The following IFT88 variants were observed in gnomAD, a reference collection of about 807,000 sequenced individuals.
The protein encoded by IFT88 is intraflagellar transport protein 88 homolog.
Under a neutral mutation model 119.5 loss-of-function variants are expected in IFT88, and 74 were observed. The observed-to-expected ratio is 0.62, with a 90% confidence interval of 0.51 to 0.75. IFT88 has a LOEUF of 0.75. Ranked by LOEUF, IFT88 falls within the 30% of genes least tolerant of loss-of-function variation. The probability of loss-of-function intolerance (pLI) is 0.00; values close to 1 mark genes in which losing one functional copy is unlikely to be tolerated. For synonymous variants in IFT88, 279 were observed against 316.7 expected (o/e 0.88, Z 1.26); for missense variants, 961 against 977.7 (o/e 0.98, Z 0.23).
At chr13:20,685,252 G>GT (rs1477293284) in intron 24 of IFT88, among the ~76,000 whole-genome samples, 1 of 152,142 alleles carries the variant, frequency 6.6e-6, no homozygotes, top group East Asian at 1.9e-4. Flanking sequence ...GCTCCCGGGG[G>GT]TGGGGGGGCC....
intron 1 of IFT88, among the ~76,000 whole-genome samples, chr13:20,570,644 A>G (rs2036156506): frequency 6.7e-6 from 1 of 149,220 alleles, no homozygotes; most frequent in Admixed American, 6.8e-5. Context: ...TTAATATGAA[A>G]TGTCCAGAAT....
rs530850711 is a variant in IFT88, at chr13:20,618,478, C to T, written c.1199+2599C>T. Among the ~76,000 whole-genome samples the T allele has an allele frequency of 4.6e-5, 7 of 152,232 alleles. No homozygotes were observed. The South Asian group carries it at 1.2e-3, about 27-fold the overall frequency. On this transcript the variant is annotated intron_variant, in intron 14 of 25. Transcript: ENST00000351808. Reference sequence around the variant, plus strand: ...TTAAATAGTCCCAACACACAGGCTGCGTGGTAGACTAGTTGAATCAGAATT... The same window carrying T: ...TTAAATAGTCCCAACACACAGGCTGTGTGGTAGACTAGTTGAATCAGAATT...
At chr13:20,618,950 G>A (rs1018247616) in intron 14 of IFT88, among the ~76,000 whole-genome samples, 4 of 150,100 alleles carry the variant, frequency 2.7e-5, no homozygotes, top group Admixed American at 6.7e-5. Context: ...TCCACCTCCT[G>A]AGTCCACGCT....
chr13:20,626,520 C>G (rs979921563), intron 15 of IFT88, among the ~76,000 whole-genome samples: 6 of 152,162 alleles, frequency 3.9e-5, no homozygotes, highest in Non-Finnish European at 7.3e-5. Context: ...CATGGGAAGC[C>G]AGGAGTCTGC....
At chr13:20,601,255 A>G (rs2139112584) in intron 11 of IFT88, among the ~76,000 whole-genome samples, 1 of 152,224 alleles carries the variant, frequency 6.6e-6, no homozygotes, top group South Asian at 2.1e-4. Flanking sequence ...AATCCCAGCT[A>G]TTCAGGAGGC....
At chr13:20,585,380 G>A (rs2039481613) in intron 3 of IFT88, among the ~76,000 whole-genome samples, 1 of 152,216 alleles carries the variant, frequency 6.6e-6, no homozygotes, top group Non-Finnish European at 1.5e-5. Context: ...GATGCATAGA[G>A]CAGGGCCTAG....
In IFT88 at chr13:20,574,393, A is replaced by C; in HGVS notation, c.8A>C (p.Gln3Pro). 1 of 1,609,190 alleles carries C rather than the reference A, an allele frequency of 6.2e-7. No homozygotes were observed. The change falls in exon 2 of 26, where the codon CAA becomes CCA. Residue 3 changes from glutamine to proline, a missense_variant. Physicochemically the swap from Gln to Pro is moderately conservative, Grantham distance 76 (BLOSUM62 -1). Transcript: ENST00000351808. The stretch of plus-strand genomic sequence containing the variant: ...AGTTTTTCCTAGGTACAAATGATGC[A>C]AAATGTGCACCTGGCTCCAGAGACA... MMQNVHLAPETDE... is the reference protein window; with the variant it reads MMPNVHLAPETDE...
At chr13:20,618,310 A>G (rs1018187014) in intron 14 of IFT88, among the ~76,000 whole-genome samples, 1 of 152,220 alleles carries the variant, frequency 6.6e-6, no homozygotes, top group African/African-American at 2.4e-5. Context: ...GGCTCCCCAC[A>G]TCTTTCTCTG....
chr13:20,676,054 A>C (rs1291300598), intron 24 of IFT88, among the ~76,000 whole-genome samples: 1 of 152,174 alleles, frequency 6.6e-6, no homozygotes, highest in Non-Finnish European at 1.5e-5. Context: ...CTTCTCTTAA[A>C]ACCACCTTAG....
At chr13:20,682,766 T>C (rs887376842) in intron 24 of IFT88, among the ~76,000 whole-genome samples, 1 of 152,240 alleles carries the variant, frequency 6.6e-6, no homozygotes, top group African/African-American at 2.4e-5. Context: ...TTTTTACAAG[T>C]AGGTTCAATT....
chr13:20,621,269 A>G (rs773129583), intron 14 of IFT88, among the ~76,000 whole-genome samples: 1 of 152,074 alleles, frequency 6.6e-6, no homozygotes, highest in Non-Finnish European at 1.5e-5. Context: ...ATTTAGCCAT[A>G]CTGGCCAGCC....
At chr13:20,638,199 C>T (rs986407195) in intron 16 of IFT88, 133 bp from the exon 17 acceptor site, 6 of 489,726 alleles carry the variant, frequency 1.2e-5, no homozygotes, top group Non-Finnish European at 2.0e-5. Context: ...ACTATCAAGA[C>T]CAAGATATGT....
At chr13:20,599,398 C>A in intron 10 of IFT88, 53 bp from the exon 11 acceptor site, 1 of 635,730 alleles carries the variant, frequency 1.6e-6, no homozygotes, top group South Asian at 2.2e-5. Flanking sequence ...TCTAAAATAT[C>A]AAAGAGTGGA....
At position 20,580,352 on chromosome 13, in the gene IFT88, T is replaced by C. The variant is rs561770361; in HGVS notation, c.91-2605T>C. Among the ~76,000 whole-genome samples the C allele has an allele frequency of 3.3e-5, 5 of 152,230 alleles. No homozygotes were observed. In the South Asian group the frequency reaches 1.0e-3, roughly 32 times the overall value. The stretch of plus-strand genomic sequence containing the variant: ...GACCAACATGGTGAAGTTCTGTCTC[T>C]ACTAAAATACAAAAATTAGCCAGCC... On this transcript the variant is annotated intron_variant, in intron 2 of 25. Coordinates refer to ENST00000351808, the MANE Select transcript of IFT88 (RefSeq NM_006531.5).
intron 24 of IFT88, among the ~76,000 whole-genome samples, chr13:20,673,544 C>T (rs2056222568): frequency 6.6e-6 from 1 of 152,208 alleles, no homozygotes; most frequent in South Asian, 2.1e-4. Context: ...CCCTGGTGAC[C>T]TTTCCCATAG....
Position 20,598,659 on chromosome 13 carries a change from C to A in IFT88, c.603C>A (p.Phe201Leu). The change falls in exon 10 of 26, where the codon TTC (phenylalanine) becomes TTA (leucine). Residue 201 changes from phenylalanine (F) to leucine (L), a missense_variant. Coordinates refer to ENST00000351808, the MANE Select transcript of IFT88 (RefSeq NM_006531.5). Reference sequence around the variant, plus strand: ...AATATTTTCTTCCTTAGGTTCTTTTCAATTTGGCCAGTCAGTATTCAGTTA... The same window carrying A: ...AATATTTTCTTCCTTAGGTTCTTTTAAATTTGGCCAGTCAGTATTCAGTTA... ...INLDLTYSVL[F>L]NLASQYSVNE... 1 of 1,604,750 alleles carries A rather than the reference C, an allele frequency of 6.2e-7. No individual in the cohort carries two copies. Among genetic ancestry groups the A allele is most frequent in the South Asian group, 1.1e-5 (1 of 90,712 alleles).
chr13:20,654,863 T>C (rs1238677391), intron 21 of IFT88, among the ~76,000 whole-genome samples: 3 of 152,294 alleles, frequency 2.0e-5, no homozygotes, highest in South Asian at 4.1e-4. Flanking sequence ...TATATACATA[T>C]GAACTATTCT....
intron 12 of IFT88, among the ~76,000 whole-genome samples, chr13:20,602,386 G>T (rs2042747812): frequency 6.6e-6 from 1 of 151,762 alleles, no homozygotes; most frequent in African/African-American, 2.4e-5. Flanking sequence ...TTTATTTTTA[G>T]TAGAGAAGGG....
chr13:20,681,331 A>G (rs2141175811), intron 24 of IFT88, among the ~76,000 whole-genome samples: 1 of 152,336 alleles, frequency 6.6e-6, no homozygotes, highest in African/African-American at 2.4e-5. Flanking sequence ...CATGCACATA[A>G]GCTAGTCTCC....
Sources: gnomAD v4.1 joint callset for allele counts (sites outside exome capture counted in the v4.1 genomes callset) on GRCh38, gnomAD v4.1.1 for gene constraint, MANE v1.5 for transcripts, NCBI Gene and HGNC (gene_info 2026-07-23, HGNC 2026-07-21) for gene names.